Variants in UBE2E2 observed in about 807,000 individuals in gnomAD.
The protein encoded by UBE2E2 is ubiquitin-conjugating enzyme E2 E2.
UBE2E2 carries 6 observed loss-of-function variants against 24.7 expected under a neutral mutation model. That is an observed-to-expected ratio of 0.24 (90% CI 0.13 to 0.48). The LOEUF is 0.48. Among genes scored for constraint, UBE2E2 ranks in the 20% least tolerant of loss-of-function variants. The probability of loss-of-function intolerance (pLI) is 0.99; values close to 1 mark genes in which losing one functional copy is unlikely to be tolerated. For missense variants in UBE2E2, 169 were observed against 245.0 expected (o/e 0.69, Z 2.07); for synonymous variants, 104 against 83.6 (o/e 1.24, Z -1.33).
intron 5 of UBE2E2, among the ~76,000 whole-genome samples, chr3:23,543,180 A>G (rs1280486103): frequency 6.6e-6 from 1 of 152,168 alleles, no homozygotes; most frequent in African/African-American, 2.4e-5. Context: ...TACCACTTCT[A>G]TTCAACATAG....
chr3:23,262,358 G>A (rs1697926570), intron 3 of UBE2E2, among the ~76,000 whole-genome samples: 1 of 151,954 alleles, frequency 6.6e-6, no homozygotes, highest in Non-Finnish European at 1.5e-5. Context: ...ATAGCCCATT[G>A]CAGCCAACTC....
chr3:23,297,962 T>C (rs2125257128), intron 3 of UBE2E2, among the ~76,000 whole-genome samples: 1 of 151,876 alleles, frequency 6.6e-6, no homozygotes, highest in South Asian at 2.1e-4. Context: ...TTTTATTTCC[T>C]TGAGCAGTGG....
intron 3 of UBE2E2, among the ~76,000 whole-genome samples, chr3:23,491,277 C>G (rs921660392): frequency 6.6e-6 from 1 of 152,188 alleles, no homozygotes; most frequent in South Asian, 2.1e-4. Flanking sequence ...TGAACACCCT[C>G]TGGGGCATAG....
intron 5 of UBE2E2, among the ~76,000 whole-genome samples, chr3:23,567,746 G>C (rs1412905711): frequency 6.6e-6 from 1 of 152,154 alleles, no homozygotes; most frequent in Non-Finnish European, 1.5e-5. Context: ...AAGTCATCTT[G>C]ACCAATAGGT....
chr3:23,245,134 G>T (rs889632747), intron 3 of UBE2E2, among the ~76,000 whole-genome samples: 3 of 152,046 alleles, frequency 2.0e-5, no homozygotes, highest in African/African-American at 7.2e-5. Context: ...ATACAAAAAA[G>T]ATGAGATAGT....
chr3:23,443,344 G>C (rs1698347783), intron 3 of UBE2E2, among the ~76,000 whole-genome samples: 1 of 152,224 alleles, frequency 6.6e-6, no homozygotes, highest in South Asian at 2.1e-4. Context: ...CCAAGAAGTA[G>C]AGTGAGAAAC....
At chr3:23,279,173 G>A (rs1698434537) in intron 3 of UBE2E2, among the ~76,000 whole-genome samples, 1 of 152,060 alleles carries the variant, frequency 6.6e-6, no homozygotes, top group African/African-American at 2.4e-5. Context: ...TAATTTTCAG[G>A]TAATAAATGG....
Position 23,313,773 on chromosome 3 carries a change from G to A in UBE2E2, c.227+96461G>A, listed in dbSNP as rs1011682427. Among the ~76,000 whole-genome samples, 3 of 152,188 alleles carry A rather than the reference G, an allele frequency of 2.0e-5. No individual in the cohort carries two copies. In the South Asian group the frequency reaches 6.2e-4, roughly 32 times the overall value. On this transcript the variant is annotated intron_variant, in intron 3 of 5. Transcript: ENST00000396703. Reference sequence around the variant, plus strand: ...ATTCAGTGTTGTTACTGATAAGTAAGGATTTGCTCCTGCCGTTTTGTTACT... The same window carrying A: ...ATTCAGTGTTGTTACTGATAAGTAAAGATTTGCTCCTGCCGTTTTGTTACT...
intron 3 of UBE2E2, among the ~76,000 whole-genome samples, chr3:23,341,401 A>G (rs1179341309): frequency 1.3e-5 from 2 of 152,218 alleles, no homozygotes; most frequent in Non-Finnish European, 2.9e-5. Flanking sequence ...AAGCCACACT[A>G]TTGAGATTCT....
chr3:23,551,925 G>A (rs796234621), intron 5 of UBE2E2, among the ~76,000 whole-genome samples: 8 of 152,304 alleles, frequency 5.3e-5, no homozygotes, highest in African/African-American at 1.9e-4. Context: ...GTTAAACTAG[G>A]TCATAAGGGT....
At chr3:23,415,011 G>A (rs547006747) in intron 3 of UBE2E2, among the ~76,000 whole-genome samples, 69 of 152,346 alleles carry the variant, frequency 4.5e-4, no homozygotes, top group Non-Finnish European at 9.4e-4. Flanking sequence ...AGACTTTCAT[G>A]ATTTTGTGTG....
Position 23,513,180 on chromosome 3 carries a change from A to G in UBE2E2, c.360+13440A>G, listed in dbSNP as rs551426081. On this transcript the variant is annotated intron_variant, in intron 4 of 5. Coordinates refer to ENST00000396703, the MANE Select transcript of UBE2E2 (RefSeq NM_152653.4). ...TCTTTTCTCTCTTCCAGACATCACT[A>G]CTTCTTGTAGTGATTTGCTTTTAAA... Among the ~76,000 whole-genome samples the G allele has an allele frequency of 2.1e-3, 315 of 152,046 alleles. 1 individual carries two copies. Among genetic ancestry groups the G allele is most frequent in the African/African-American group, 7.3e-3 (301 of 41,472 alleles).
chr3:23,565,914 C>G (rs1443844526), intron 5 of UBE2E2, among the ~76,000 whole-genome samples: 1 of 152,044 alleles, frequency 6.6e-6, no homozygotes, highest in Non-Finnish European at 1.5e-5. Flanking sequence ...ATTGGTCTCC[C>G]TAGGGAAGAC....
chr3:23,446,269 G>A (rs978741436), intron 3 of UBE2E2, among the ~76,000 whole-genome samples: 16 of 152,346 alleles, frequency 1.1e-4, no homozygotes, highest in African/African-American at 3.8e-4. Flanking sequence ...TTACCTTAAA[G>A]AGGATGTTCT....
intron 3 of UBE2E2, among the ~76,000 whole-genome samples, chr3:23,454,474 C>T (rs887401042): frequency 9.2e-5 from 14 of 152,174 alleles, no homozygotes; most frequent in South Asian, 2.1e-4. Flanking sequence ...ATTTAAGTCT[C>T]ATCTGCTACC....
At chr3:23,457,092 T>C (rs1271304153) in intron 3 of UBE2E2, among the ~76,000 whole-genome samples, 1 of 152,184 alleles carries the variant, frequency 6.6e-6, no homozygotes, top group Non-Finnish European at 1.5e-5. Context: ...CAAGCTTTTA[T>C]TGGGCTGGTT....
intron 3 of UBE2E2, among the ~76,000 whole-genome samples, chr3:23,238,146 T>C (rs777807422): frequency 6.6e-5 from 10 of 152,104 alleles, no homozygotes; most frequent in African/African-American, 9.7e-5. Context: ...TCCCTTGAAA[T>C]AGTTAGAGAA....
chr3:23,364,926 A>T (rs1696216041), intron 3 of UBE2E2, among the ~76,000 whole-genome samples: 1 of 152,236 alleles, frequency 6.6e-6, no homozygotes, highest in Non-Finnish European at 1.5e-5. Flanking sequence ...ATCCACTGTG[A>T]TCAAGTAAGC....
intron 3 of UBE2E2, among the ~76,000 whole-genome samples, chr3:23,293,739 A>G (rs184619479): frequency 8.4e-4 from 128 of 152,314 alleles, no homozygotes; most frequent in Middle Eastern, 6.8e-3. Flanking sequence ...CGTCTTTAGA[A>G]CCATCTTTTT....
Sources: gnomAD v4.1 joint callset for allele counts (sites outside exome capture counted in the v4.1 genomes callset) on GRCh38, gnomAD v4.1.1 for gene constraint, MANE v1.5 for transcripts, NCBI Gene and HGNC (gene_info 2026-07-23, HGNC 2026-07-21) for gene names.